AKAP8L: variants seen among roughly 807,000 people sequenced by gnomAD.
The protein encoded by AKAP8L is A-kinase anchoring protein 8 like.
AKAP8L carries 34 observed loss-of-function variants against 77.5 expected under a neutral mutation model. That is an observed-to-expected ratio of 0.44 (90% confidence interval 0.33 to 0.58). The LOEUF is 0.58. Ranked by LOEUF, AKAP8L falls within the 20% of genes least tolerant of loss-of-function variation. The pLI is 0.02. For synonymous variants in AKAP8L, 342 were observed against 340.7 expected, an observed-to-expected ratio of 1.00 and a Z score of -0.04; for missense variants, 806 against 887.6, an observed-to-expected ratio of 0.91 and a Z score of 1.17.
intron 12 of AKAP8L, among the ~76,000 whole-genome samples, chr19:15,385,867 G>T (rs563610252): frequency 6.6e-6 from 1 of 151,782 alleles, no homozygotes; most frequent in Non-Finnish European, 1.5e-5. Flanking sequence ...CCCAAGTGCT[G>T]GGATTACAGG....
At chr19:15,390,934 T>C (rs1338212017) in intron 12 of AKAP8L, among the ~76,000 whole-genome samples, 1 of 152,086 alleles carries the variant, frequency 6.6e-6, no homozygotes, top group Non-Finnish European at 1.5e-5. Context: ...AGGGCACCTA[T>C]GAAAAACCCA....
Position 15,398,944 on chromosome 19 carries a change from G to A in AKAP8L, c.1157+358C>T, listed in dbSNP as rs1444317236. 2.3e-5 allele frequency: 10 copies of A among 426,654 alleles called. No homozygotes were observed. Among genetic ancestry groups the A allele is most frequent in the Non-Finnish European group, 3.3e-5 (9 of 271,022 alleles). 26.4% of individuals were successfully genotyped at this position (426,654 alleles called of 1,614,324 possible). On this transcript the variant is annotated intron_variant, in intron 9 of 13. Transcript: ENST00000397410. The surrounding 1 kb of genome is among the most constrained non-coding windows in gnomAD (Gnocchi z 9.2). ...GGCAGCTAGCTGGGGCGGCACAGGC[G>A]CCTTGGACCTTGAGTCTCTGATGAG...
At chr19:15,380,453 T>G (rs1967382231) in intron 13 of AKAP8L, 23 bp from the exon 14 acceptor site, 3 of 1,611,230 alleles carry the variant, frequency 1.9e-6, no homozygotes, top group Middle Eastern at 3.3e-4. Flanking sequence ...GCGCGGACAC[T>G]GAAGGGAGGG....
At chr19:15,406,267 A>G (rs1197773736) in intron 2 of AKAP8L, among the ~76,000 whole-genome samples, 4 of 151,282 alleles carry the variant, frequency 2.6e-5, no homozygotes, top group Admixed American at 2.0e-4. Context: ...ACTGGCGTTT[A>G]GGGACTCCCC....
intron 12 of AKAP8L, among the ~76,000 whole-genome samples, chr19:15,394,366 A>C (rs1015391335): frequency 2.0e-5 from 3 of 152,192 alleles, no homozygotes; most frequent in African/African-American, 7.2e-5. Flanking sequence ...TGTCTAGAAT[A>C]AGCAAATAGA....
Position 15,380,130 on chromosome 19 carries a change from C to T in AKAP8L, c.1933G>A (p.Ala645Thr), listed in dbSNP as rs990810900. 3.1e-5 allele frequency: 46 copies of T among 1,494,322 alleles called. No individual in the cohort carries two copies. The highest frequency in any genetic ancestry group is 3.8e-5 in the Non-Finnish European group (43 of 1,131,178). The allele number at this position is 1,494,322 out of a possible 1,614,324, so 92.6% of individuals were successfully genotyped here. The change falls in exon 14 of 14, where the codon GCC (alanine) becomes ACC (threonine). Residue 645 changes from alanine to threonine, a missense_variant. By Grantham distance (58) the Ala-to-Thr change is moderately conservative. Coordinates refer to ENST00000397410, the MANE Select transcript of AKAP8L (RefSeq NM_014371.4). ...CCCGCCCCGAGCTCGGGTCACGGGG[C>T]GCCCCCGCCGCCCTCCTCGTCGTCC... ...VEDDEEGGGG[A>T]P
chr19:15,399,732 C>T lies in AKAP8L; in HGVS notation c.1049-322G>A. ...GGACACTGGCACATGTTCAGAGGGG[C>T]CAGGTGGTGGGATGCAGGGAGGCTG... On this transcript the variant is annotated intron_variant, in intron 8 of 13. Coordinates refer to ENST00000397410, the MANE Select transcript of AKAP8L (RefSeq NM_014371.4). The surrounding 1 kb of genome is among the most constrained non-coding windows in gnomAD (Gnocchi z 6.1). 1 of 377,004 alleles carries T rather than the reference C, an allele frequency of 2.7e-6. No individual in the cohort carries two copies. The highest frequency in any genetic ancestry group is 5.9e-5 in the East Asian group (1 of 17,072). 23.4% of individuals were successfully genotyped at this position (377,004 alleles called of 1,614,324 possible).
intron 12 of AKAP8L, among the ~76,000 whole-genome samples, chr19:15,393,052 T>C (rs1476212234): frequency 2.6e-5 from 4 of 152,148 alleles, no homozygotes; most frequent in African/African-American, 9.7e-5. Flanking sequence ...CAACTGACTT[T>C]CAACAAAGAT....
intron 12 of AKAP8L, among the ~76,000 whole-genome samples, chr19:15,388,110 T>C (rs1162062670): frequency 2.0e-5 from 3 of 152,132 alleles, no homozygotes; most frequent in Non-Finnish European, 4.4e-5. Flanking sequence ...CAGCTGAGTA[T>C]GGTCTGGGAA....
Position 15,398,082 on chromosome 19 carries a change from C to G in AKAP8L, c.1158-227G>C. On this transcript the variant is annotated intron_variant, in intron 9 of 13. Transcript: ENST00000397410. The surrounding 1 kb of genome is among the most constrained non-coding windows in gnomAD (Gnocchi z 9.2). ...CGTAGGGGACAGGGGAGGAGCTCTT[C>G]CTTCCCACAGGCAGGAGGCTGAAGC... 1 of 551,472 alleles carries G rather than the reference C, an allele frequency of 1.8e-6. No homozygotes were observed. Among genetic ancestry groups the G allele is most frequent in the South Asian group, 2.3e-5 (1 of 44,060 alleles). The allele number at this position is 551,472 out of a possible 1,614,324, so 34.2% of individuals were successfully genotyped here.
chr19:15,387,047 C>T lies in AKAP8L; in HGVS notation c.1537-6435G>A, dbSNP rs1967553809. Among the ~76,000 whole-genome samples, 3 of 152,220 alleles carry T rather than the reference C, an allele frequency of 2.0e-5. No individual in the cohort carries two copies. The South Asian group carries it at 6.2e-4, about 32-fold the overall frequency. On this transcript the variant is annotated intron_variant, in intron 12 of 13. Transcript: ENST00000397410. The stretch of plus-strand genomic sequence containing the variant: ...ATAGCTGAGAGAGAACGGTTCCTAT[C>T]TTCTACCCAGCCACACGCACGTGGA...
In AKAP8L at chr19:15,410,675, G is replaced by C; in HGVS notation, c.14-81C>G. 2.6e-6 allele frequency: 3 copies of C among 1,155,240 alleles called. No individual in the cohort carries two copies. The South Asian group carries it at 4.0e-5, about 16-fold the overall frequency. 71.6% of individuals were successfully genotyped at this position (1,155,240 alleles called of 1,614,324 possible). A position where few individuals can be genotyped will look rare whatever the true frequency, so the allele number is the denominator to read the frequency against. ...TGAGACTACCTAACCTTTGGTATAG[G>C]ATTGCCAGCAGGCCCTTCTCTCAAC... On this transcript the variant is annotated intron_variant, in intron 1 of 13. Transcript: ENST00000397410.
chr19:15,401,526 CTG>C lies in AKAP8L; in HGVS notation c.438_439del (p.Tyr146Ter). On this transcript the variant is annotated stop_gained and frameshift_variant, in exon 5 of 14. Coordinates refer to ENST00000397410, the MANE Select transcript of AKAP8L (RefSeq NM_014371.4). LOFTEE classifies it high-confidence loss of function. The surrounding 1 kb of genome is among the most constrained non-coding windows in gnomAD (Gnocchi z 6.2). Reference sequence around the variant, plus strand: ...CATTTCCATCTCAGGGTCAAGCTCGCTGTAGTCATAGCCTGACCGGTACAGGT... The same window carrying C: ...CATTTCCATCTCAGGGTCAAGCTCGCTAGTCATAGCCTGACCGGTACAGGT... 2 of 1,613,800 alleles carry C rather than the reference CTG, an allele frequency of 1.2e-6. No individual in the cohort carries two copies. The highest frequency in any genetic ancestry group is 1.7e-6 in the Non-Finnish European group (2 of 1,179,852).
At chr19:15,396,044 A>C (rs1967768971) in intron 12 of AKAP8L, among the ~76,000 whole-genome samples, 1 of 149,972 alleles carries the variant, frequency 6.7e-6, no homozygotes, top group South Asian at 2.1e-4. Flanking sequence ...CTCTGTTGCC[A>C]AAGCCAACTG....
chr19:15,383,872 A>G (rs1301055210), intron 12 of AKAP8L: 1 of 150,728 alleles, frequency 6.6e-6, no homozygotes, highest in Non-Finnish European at 1.5e-5. Flanking sequence ...TTGTTTCACT[A>G]TTAAATTGCC....
rs769560317 is a variant in AKAP8L, at chr19:15,397,374, C to T, written c.1406-94G>A. The T allele has an allele frequency of 3.9e-6, 6 of 1,524,166 alleles. No individual in the cohort carries two copies. Among genetic ancestry groups the T allele is most frequent in the African/African-American group, 2.7e-5 (2 of 72,804 alleles). The allele number at this position is 1,524,166 out of a possible 1,614,324, so 94.4% of individuals were successfully genotyped here. ...AAACCACACCAGCTCCTCCTCAACT[C>T]GCCCTGCCACTTCCACCTGGGCCTG... On this transcript the variant is annotated intron_variant, in intron 11 of 13. Coordinates refer to ENST00000397410, the MANE Select transcript of AKAP8L (RefSeq NM_014371.4). This position sits in a 1 kb window ranked among gnomAD's most constrained non-coding sequence, Gnocchi z 4.7.
rs1031365057 is a variant in AKAP8L at position 15,412,203 on chromosome 19, G to A, written c.14-1609C>T. Among the ~76,000 whole-genome samples, 16 of 152,092 alleles carry A rather than the reference G, an allele frequency of 1.1e-4. No individual in the cohort carries two copies. The South Asian group carries it at 2.9e-3, about 28-fold the overall frequency. ...AGCCTAGGCGACAGAGCAAGACTCC[G>A]TCTCAAAACAAACAAACAAAACCCC... On this transcript the variant is annotated intron_variant, in intron 1 of 13. Transcript: ENST00000397410.
Position 15,392,150 on chromosome 19 carries a change from T to C in AKAP8L, c.1536+5000A>G, listed in dbSNP as rs959229345. On this transcript the variant is annotated intron_variant, in intron 12 of 13. Coordinates refer to ENST00000397410, the MANE Select transcript of AKAP8L (RefSeq NM_014371.4). The stretch of plus-strand genomic sequence containing the variant: ...TGCCTAGCCATAGCTGAAATATTAT[T>C]AAAATTATGAAATATTAAAAACAAA... 2.6e-5 allele frequency among the ~76,000 whole-genome samples: 4 copies of C among 152,342 alleles called. No individual in the cohort carries two copies. In the East Asian group the frequency reaches 7.7e-4, roughly 29 times the overall value.
rs1967866650 is a variant in AKAP8L, at chr19:15,400,315, CCTT to C, written c.1025_1027del (p.Glu342del). On this transcript the variant is annotated inframe_deletion, in exon 8 of 14. Coordinates refer to ENST00000397410, the MANE Select transcript of AKAP8L (RefSeq NM_014371.4). ...CTCACCCTTCTCTGGATCCTCTTTG[CCTT>C]CTTCTCTCCCATCCTCTTTTCCCTC... is the stretch of plus-strand genomic sequence containing the variant. 44 of 1,613,832 alleles carry C rather than the reference CCTT, an allele frequency of 2.7e-5. No individual in the cohort carries two copies. Among genetic ancestry groups the C allele is most frequent in the Non-Finnish European group, 3.6e-5 (42 of 1,179,856 alleles).
Sources: gnomAD v4.1 joint callset for allele counts (sites outside exome capture counted in the v4.1 genomes callset) on GRCh38, gnomAD v4.1.1 for gene constraint, Gnocchi (gnomAD v3.1) non-coding constraint, MANE v1.5 for transcripts, NCBI Gene and HGNC (gene_info 2026-07-23, HGNC 2026-07-21) for gene names.